RPS6KA6: variants seen among roughly 807,000 people sequenced by gnomAD.
The protein encoded by RPS6KA6 is ribosomal protein S6 kinase A6.
RPS6KA6 carries 27 observed loss-of-function variants against 65.4 expected under a neutral mutation model. That is an observed-to-expected ratio of 0.41 (90% confidence interval 0.30 to 0.57). The LOEUF (loss-of-function observed/expected upper bound fraction) is 0.57. RPS6KA6 is among the 20% of genes least tolerant of loss of function. The pLI, the probability that RPS6KA6 is intolerant of heterozygous loss-of-function variation, is 0.24. For synonymous variants in RPS6KA6, 190 were observed against 184.2 expected (o/e 1.03, Z -0.26); for missense variants, 486 against 555.6 (o/e 0.87, Z 1.26).
At chrX:84,090,965 T>G (rs950903268) in intron 20 of RPS6KA6, among the ~76,000 whole-genome samples, 7 of 111,995 alleles carry the variant, frequency 6.3e-5, no homozygotes, top group Non-Finnish European at 1.1e-4. Flanking sequence ...TAATAAATCC[T>G]TTTTTCCTCT....
intron 20 of RPS6KA6, among the ~76,000 whole-genome samples, chrX:84,083,683 T>C (rs1044803891): frequency 1.2e-4 from 14 of 112,271 alleles, no homozygotes; most frequent in African/African-American, 4.5e-4. Flanking sequence ...AGTGAACATA[T>C]GTACGCATGT....
intron 2 of RPS6KA6, among the ~76,000 whole-genome samples, chrX:84,162,667 T>A (rs200013977): frequency 8.9e-6 from 1 of 112,099 alleles, no homozygotes; most frequent in African/African-American, 3.2e-5. Context: ...ACACACACTG[T>A]TCCCCTGTGG....
intron 20 of RPS6KA6, among the ~76,000 whole-genome samples, chrX:84,093,411 G>A (rs998417591): frequency 1.2e-4 from 13 of 111,921 alleles, no homozygotes; most frequent in African/African-American, 4.2e-4. Context: ...ACATGAGATA[G>A]TTTCTTAAAA....
intron 3 of RPS6KA6, among the ~76,000 whole-genome samples, chrX:84,149,749 G>T (rs910255876): frequency 9.0e-6 from 1 of 111,455 alleles, no homozygotes; most frequent in African/African-American, 3.3e-5. Context: ...AGGCATAGTA[G>T]ATTTAACATA....
At chrX:84,110,549 C>T (rs762449421) in intron 12 of RPS6KA6, among the ~76,000 whole-genome samples, 7 of 111,851 alleles carry the variant, frequency 6.3e-5, no homozygotes, top group African/African-American at 1.9e-4. Flanking sequence ...GTAAATGCCA[C>T]CTACTGCCCT....
intron 20 of RPS6KA6, among the ~76,000 whole-genome samples, chrX:84,081,810 T>G (rs1014384540): frequency 8.9e-6 from 1 of 112,305 alleles, no homozygotes; most frequent in Non-Finnish European, 1.9e-5. Context: ...TCAATAAATG[T>G]AATCCATCAC....
At chrX:84,107,884 T>C (rs949464799) in intron 12 of RPS6KA6, among the ~76,000 whole-genome samples, 159 bp from the exon 13 acceptor site, 9 of 112,152 alleles carry the variant, frequency 8.0e-5, no homozygotes, top group Non-Finnish European at 1.3e-4. Context: ...TTTTGAGAGA[T>C]AATGTTCAAG....
At chrX:84,131,496 A>G (rs890626296) in intron 8 of RPS6KA6, among the ~76,000 whole-genome samples, 1 of 112,210 alleles carries the variant, frequency 8.9e-6, no homozygotes, top group Non-Finnish European at 1.9e-5. Context: ...CTAGTCTTCG[A>G]GGTCAGTTCA....
intron 1 of RPS6KA6, among the ~76,000 whole-genome samples, chrX:84,169,227 G>A (rs1190397911): frequency 9.0e-6 from 1 of 111,260 alleles, no homozygotes; most frequent in Non-Finnish European, 1.9e-5. Context: ...CCAGGGCTTA[G>A]AGAAGACTAC....
chrX:84,172,322 A>G lies in RPS6KA6; in HGVS notation c.82-7935T>C, dbSNP rs1162415060. Among the ~76,000 whole-genome samples the G allele has an allele frequency of 7.1e-5, 8 of 112,074 alleles. No homozygotes were observed. The Admixed American group carries it at 7.6e-4, about 11-fold the overall frequency. Reference sequence around the variant, plus strand: ...ATCCTTGACGAATCACCGCAAGAACATAATTTCATATTCCTTTAACAATCA... The same window carrying G: ...ATCCTTGACGAATCACCGCAAGAACGTAATTTCATATTCCTTTAACAATCA... On this transcript the variant is annotated intron_variant, in intron 1 of 21. Transcript: ENST00000262752.
At chrX:84,178,043 G>A (rs371508638) in intron 1 of RPS6KA6, among the ~76,000 whole-genome samples, 10 of 111,417 alleles carry the variant, frequency 9.0e-5, no homozygotes, top group South Asian at 3.8e-4. Flanking sequence ...TTCCTCGCAC[G>A]CTGCCTCCCA....
Position 84,064,385 on chromosome X carries a change from T to C in RPS6KA6, c.2130A>G (p.Thr710=), listed in dbSNP as rs2147314787. The change falls in exon 22 of 22, where the codon ACA becomes ACG. Residue 710 remains threonine (T), a synonymous_variant. Transcript: ENST00000262752. The part of the protein sequence containing the change: ...SHVVKGAMVA[T]YSALTHKTFQ... ...AGGTCTTGTGAGTCAGGGCAGAGTA[T>C]GTTGCAACCATTGCTCCCTAAAGTA... 1 of 1,200,543 alleles carries C rather than the reference T, an allele frequency of 8.3e-7. No individual in the cohort carries two copies. The highest frequency in any genetic ancestry group is 1.1e-6 in the Non-Finnish European group (1 of 891,125).
intron 6 of RPS6KA6, among the ~76,000 whole-genome samples, chrX:84,140,019 G>T (rs1160995720): frequency 8.9e-6 from 1 of 111,812 alleles, no homozygotes; most frequent in Non-Finnish European, 1.9e-5. Flanking sequence ...TTAGAGAAGA[G>T]AAAATTGCAC....
chrX:84,074,456 G>T (rs1458669268), intron 20 of RPS6KA6, among the ~76,000 whole-genome samples: 1 of 111,287 alleles, frequency 9.0e-6, no homozygotes, highest in Non-Finnish European at 1.9e-5. Context: ...TTGCAGAGTA[G>T]AGTAAATATA....
chrX:84,089,082 T>TG (rs201834059), intron 20 of RPS6KA6, among the ~76,000 whole-genome samples: 6,828 of 111,216 alleles, frequency 0.061, 226 homozygotes, highest in East Asian at 0.2. Flanking sequence ...TAACCCTGGC[T>TG]GAAGTGCTGA....
intron 20 of RPS6KA6, among the ~76,000 whole-genome samples, chrX:84,094,015 G>C (rs962821770): frequency 9.1e-6 from 1 of 110,352 alleles, no homozygotes; most frequent in African/African-American, 3.3e-5. Flanking sequence ...TAAACCTACA[G>C]GAATCACCAT....
chrX:84,096,082 A>G (rs2034151914), intron 20 of RPS6KA6, 112 bp downstream of exon 20: 1 of 527,776 alleles, frequency 1.9e-6, no homozygotes. Context: ...TGTTAATTCA[A>G]AACACTTACA....
At chrX:84,157,006 C>T (rs1347367697) in intron 2 of RPS6KA6, among the ~76,000 whole-genome samples, 1 of 112,311 alleles carries the variant, frequency 8.9e-6, no homozygotes, top group Non-Finnish European at 1.9e-5. Flanking sequence ...TACATGACTA[C>T]TTAATCACAA....
In RPS6KA6 at chrX:84,131,191, T is replaced by C. The variant is rs1158852009; in HGVS notation, c.646+3591A>G. ...AAGACATCAGAAGGATGAGTTTTAA[T>C]ATATGTAAAGTATACTTTCATTTTA... On this transcript the variant is annotated intron_variant, in intron 8 of 21. Coordinates refer to ENST00000262752, the MANE Select transcript of RPS6KA6 (RefSeq NM_014496.5). 6.3e-5 allele frequency among the ~76,000 whole-genome samples: 7 copies of C among 111,717 alleles called. No homozygotes were observed. In the East Asian group the frequency reaches 2.0e-3, roughly 31 times the overall value.
Sources: gnomAD v4.1 joint callset for allele counts (sites outside exome capture counted in the v4.1 genomes callset) on GRCh38, gnomAD v4.1.1 for gene constraint, MANE v1.5 for transcripts, NCBI Gene and HGNC (gene_info 2026-07-23, HGNC 2026-07-21) for gene names.